Variants in P2RY8 observed in about 807,000 individuals in gnomAD.
P2RY8 encodes the protein P2Y receptor family member 8.
In P2RY8, 6 loss-of-function variants were observed where a neutral mutation model predicts 10.0. The observed-to-expected ratio is 0.60, with a 90% CI of 0.33 to 1.19. The LOEUF (loss-of-function observed/expected upper bound fraction) is 1.19, where lower values mean the gene tolerates loss of function less well. P2RY8 is among the 50% of genes most tolerant of loss of function. The pLI is 0.04. For missense variants in P2RY8, 456 were observed against 542.0 expected (o/e 0.84, Z 1.58); for synonymous variants, 276 against 252.5 (o/e 1.09, Z -0.88).
At position 1,497,616 on chromosome X, in the gene P2RY8, C is replaced by G. The variant is rs1354973448; in HGVS notation, c.-24-31034G>C. ...GAGGTTGCGGTGAGCCGAGACCGTG[C>G]CACGGCACTCCAGCCTGGGTGACGA... On this transcript the variant is annotated intron_variant, in intron 1 of 1. Transcript: ENST00000381297. 7.4e-5 allele frequency among the ~76,000 whole-genome samples: 11 copies of G among 149,012 alleles called. No homozygotes were observed. The East Asian group carries it at 2.1e-3, about 29-fold the overall frequency.
At position 1,493,491 on chromosome X, in the gene P2RY8, C is replaced by G. The variant is rs1358461830; in HGVS notation, c.-24-26909G>C. Among the ~76,000 whole-genome samples the G allele has an allele frequency of 1.3e-5, 2 of 150,874 alleles. 1 individual carries two copies. Among genetic ancestry groups the G allele is most frequent in the South Asian group, 4.2e-4 (2 of 4,780 alleles). The stretch of plus-strand genomic sequence containing the variant: ...GGGAGGGAGGGAAGGAAGGAAAGAT[C>G]GCAGAGATAAAGCCCTTGTAAAAGT... On this transcript the variant is annotated intron_variant, in intron 1 of 1. Transcript: ENST00000381297.
At chrX:1,482,150 T>TTGTGTGTGTGG in intron 1 of P2RY8, among the ~76,000 whole-genome samples, 1 of 128,742 alleles carries the variant, frequency 7.8e-6, no homozygotes, top group African/African-American at 3.2e-5. Context: ...CAAAATTAAT[T>TTGTGTGTGTGG]TGTGTGTGTG....
chrX:1,530,039 T>C (rs2092461920), intron 1 of P2RY8, among the ~76,000 whole-genome samples: 1 of 152,006 alleles, frequency 6.6e-6, no homozygotes, highest in Non-Finnish European at 1.5e-5. Context: ...CGTGGAAAGA[T>C]CCTGCTTTTA....
At chrX:1,535,708 C>CACACACAGAG in intron 1 of P2RY8, among the ~76,000 whole-genome samples, 1 of 146,264 alleles carries the variant, frequency 6.8e-6, no homozygotes, top group South Asian at 2.1e-4. Flanking sequence ...CACACACACA[C>CACACACAGAG]ACACACAGAC....
At chrX:1,480,207 G>A (rs1443856265) in intron 1 of P2RY8, among the ~76,000 whole-genome samples, 7 of 152,070 alleles carry the variant, frequency 4.6e-5, no homozygotes, top group African/African-American at 1.7e-4. Context: ...TCATCAACAA[G>A]GGTGACAGCA....
rs1377159780 is a variant in P2RY8 at position 1,464,242 on chromosome X, C to T, written c.*1237G>A. The stretch of plus-strand genomic sequence containing the variant: ...CCAATTCCACGTGATGTCCCAGCAC[C>T]CCTGGAGAGTCAGAGCTCTTCTTTG... On this transcript the variant is annotated 3_prime_UTR_variant, in exon 2 of 2. Coordinates refer to ENST00000381297, the MANE Select transcript of P2RY8 (RefSeq NM_178129.5). 1 of 233,272 alleles carries T rather than the reference C, an allele frequency of 4.3e-6. No homozygotes were observed. The highest frequency in any genetic ancestry group is 8.5e-6 in the Non-Finnish European group (1 of 118,118). 14.5% of individuals were successfully genotyped at this position (233,272 alleles called of 1,614,324 possible).
At chrX:1,472,430 G>A (rs1443774897) in intron 1 of P2RY8, among the ~76,000 whole-genome samples, 1 of 144,480 alleles carries the variant, frequency 6.9e-6, no homozygotes, top group Non-Finnish European at 1.5e-5. Context: ...GTACATGGGT[G>A]GGTGGATGGA....
At chrX:1,475,159 A>G (rs67234477) in intron 1 of P2RY8, among the ~76,000 whole-genome samples, 79,219 of 147,420 alleles carry the variant, frequency 0.54, 21,525 homozygotes, top group South Asian at 0.65. Context: ...GGCTGGATTT[A>G]TGGGTGGATG....
At chrX:1,512,836 A>AATTATT (rs367543446) in intron 1 of P2RY8, among the ~76,000 whole-genome samples, 5 of 150,586 alleles carry the variant, frequency 3.3e-5, no homozygotes, top group African/African-American at 1.2e-4. Context: ...CACATGTGGA[A>AATTATT]ATTATTATTA....
chrX:1,511,536 A>G (rs5989779), intron 1 of P2RY8, among the ~76,000 whole-genome samples: 1 of 151,970 alleles, frequency 6.6e-6, no homozygotes, highest in African/African-American at 2.4e-5. Flanking sequence ...TTGTTTCTTT[A>G]AGCGACGAGA....
chrX:1,488,692 A>G (rs1342328915), intron 1 of P2RY8, among the ~76,000 whole-genome samples: 2 of 151,480 alleles, frequency 1.3e-5, no homozygotes, highest in Non-Finnish European at 2.9e-5. Context: ...TGCTGTCCTT[A>G]GCTTAGAGCT....
At chrX:1,472,534 G>A (rs1251738320) in intron 1 of P2RY8, among the ~76,000 whole-genome samples, 3 of 143,386 alleles carry the variant, frequency 2.1e-5, no homozygotes, top group Non-Finnish European at 4.6e-5. Context: ...GTGGGTGTGC[G>A]GATGAATGGT....
intron 1 of P2RY8, among the ~76,000 whole-genome samples, chrX:1,528,779 T>A (rs2092455413): frequency 6.6e-6 from 1 of 152,054 alleles, no homozygotes; most frequent in Non-Finnish European, 1.5e-5. Context: ...TCTGTTTGAA[T>A]GAGTATGGAT....
At chrX:1,508,135 G>C (rs1569538009) in intron 1 of P2RY8, among the ~76,000 whole-genome samples, 1 of 152,204 alleles carries the variant, frequency 6.6e-6, no homozygotes, top group Non-Finnish European at 1.5e-5. Context: ...CCTCACAACA[G>C]ACTCTGATGT....
intron 1 of P2RY8, among the ~76,000 whole-genome samples, chrX:1,486,166 G>C (rs766117771): frequency 2.0e-5 from 3 of 152,144 alleles, no homozygotes; most frequent in Non-Finnish European, 4.4e-5. Context: ...TGCAGTGAGC[G>C]GAGATCATGC....
In P2RY8 at chrX:1,474,371, ATAAGTGGG is replaced by A. The variant is rs1322135709; in HGVS notation, c.-24-7797_-24-7790del. ...GATGGATGGATGGATGGATGGATGG[ATAAGTGGG>A]TGGGTGGATGGATGGATCAGTGTTT... On this transcript the variant is annotated intron_variant, in intron 1 of 1. Coordinates refer to ENST00000381297, the MANE Select transcript of P2RY8 (RefSeq NM_178129.5). 2.1e-3 allele frequency among the ~76,000 whole-genome samples: 197 copies of A among 94,408 alleles called. 2 individuals are homozygous for A. Among genetic ancestry groups the A allele is most frequent in the East Asian group, 3.5e-3 (10 of 2,846 alleles). The allele number at this position is 94,408 out of a possible 152,430, so 61.9% of individuals were successfully genotyped here.
intron 1 of P2RY8, among the ~76,000 whole-genome samples, chrX:1,470,993 C>G (rs1463394007): frequency 6.6e-6 from 1 of 150,726 alleles, no homozygotes; most frequent in African/African-American, 2.4e-5. Context: ...CCTGCCACCA[C>G]GCCTGGCTAA....
At position 1,466,503 on chromosome X, in the gene P2RY8, T is replaced by G; in HGVS notation, c.56A>C (p.Asn19Thr). 6.2e-7 allele frequency: 1 copy of G among 1,610,880 alleles called. No individual in the cohort carries two copies. Among genetic ancestry groups the G allele is most frequent in the Non-Finnish European group, 8.5e-7 (1 of 1,179,660 alleles). ...GGGCAGGGCCACCGCGATCGCCGGG[T>G]TCCGCAGCATCTGCAGCGTCGCGTT... The part of the protein sequence containing the change: ...PDNATLQMLR[N>T]PAIAVALPVV... The change falls in exon 2 of 2, where the codon AAC (asparagine) becomes ACC (threonine). Residue 19 changes from asparagine to threonine, a missense_variant. By Grantham distance (65) the Asn-to-Thr change is moderately conservative. Coordinates refer to ENST00000381297, the MANE Select transcript of P2RY8 (RefSeq NM_178129.5).
At chrX:1,509,139 C>CTATCTATT (rs2092268313) in intron 1 of P2RY8, among the ~76,000 whole-genome samples, 1 of 148,950 alleles carries the variant, frequency 6.7e-6, no homozygotes, top group Non-Finnish European at 1.5e-5. Context: ...ATCTATCTAT[C>CTATCTATT]TATCATCTAT....
Sources: gnomAD v4.1 joint callset for allele counts (sites outside exome capture counted in the v4.1 genomes callset) on GRCh38, gnomAD v4.1.1 for gene constraint, MANE v1.5 for transcripts, NCBI Gene and HGNC (gene_info 2026-07-23, HGNC 2026-07-21) for gene names.